The following SPART variants were observed in gnomAD, a reference collection of about 807,000 sequenced individuals.
SPART encodes spartin.
In SPART, 35 loss-of-function variants were observed where a neutral mutation model predicts 58.7. The ratio of observed to expected loss-of-function variants is 0.60; its 90% CI spans 0.46 to 0.79. SPART has a LOEUF of 0.79. SPART is among the 30% of genes least tolerant of loss of function. The pLI is 0.00. For missense variants in SPART, 730 were observed against 786.1 expected, an observed-to-expected ratio of 0.93 and a Z score of 0.85; for synonymous variants, 284 against 280.7, an observed-to-expected ratio of 1.01 and a Z score of -0.12.
At chr13:36,350,723 T>C (rs149901408), upstream of SPART, among the ~76,000 whole-genome samples, 88 of 152,286 alleles carry the variant, frequency 5.8e-4, no homozygotes, top group Admixed American at 3.3e-3. Context: ...ATCATACCAT[T>C]ATAGAAGAGA....
At chr13:36,332,256 C>T (rs1883529302) in intron 2 of SPART, among the ~76,000 whole-genome samples, 1 of 152,142 alleles carries the variant, frequency 6.6e-6, no homozygotes, top group African/African-American at 2.4e-5. Flanking sequence ...CTCTGGGAGG[C>T]CAAGGAGAGG....
At chr13:36,339,618 C>T (rs1263659985) in intron 1 of SPART, among the ~76,000 whole-genome samples, 1 of 93,552 alleles carries the variant, frequency 1.1e-5, no homozygotes, top group African/African-American at 4.3e-5. Flanking sequence ...TCACAGAGCA[C>T]GACTCCATCA....
At chr13:36,346,081 T>G (rs1437068484) in intron 1 of SPART, 144 bp downstream of exon 1, 1 of 152,232 alleles carries the variant, frequency 6.6e-6, no homozygotes, top group Non-Finnish European at 1.5e-5. Flanking sequence ...ATTCCATCTC[T>G]GAGACTCGGA....
chr13:36,318,671 G>A (rs1882004171), intron 5 of SPART, among the ~76,000 whole-genome samples: 1 of 152,182 alleles, frequency 6.6e-6, no homozygotes, highest in Non-Finnish European at 1.5e-5. Flanking sequence ...CTGAACCGCA[G>A]TGGCCAGGCG....
At chr13:36,367,740 G>A (rs940955812) in intron 1 of SPART, among the ~76,000 whole-genome samples, 2 of 152,174 alleles carry the variant, frequency 1.3e-5, no homozygotes, top group African/African-American at 4.8e-5. Flanking sequence ...GCAAGTGAGC[G>A]GGAAGCAGGG....
At chr13:36,339,140 C>T (rs567832036) in intron 1 of SPART, among the ~76,000 whole-genome samples, 2 of 151,050 alleles carry the variant, frequency 1.3e-5, no homozygotes, top group Admixed American at 6.6e-5. Flanking sequence ...AAGAAAATAT[C>T]GCATCCATAA....
At chr13:36,367,621 T>G (rs1886114548) in intron 1 of SPART, among the ~76,000 whole-genome samples, 1 of 149,066 alleles carries the variant, frequency 6.7e-6, no homozygotes, top group Admixed American at 6.7e-5. Context: ...AAAAAAAACT[T>G]AAAATAATTA....
chr13:36,355,272 C>T (rs956509636), intron 1 of SPART, among the ~76,000 whole-genome samples: 7 of 152,166 alleles, frequency 4.6e-5, no homozygotes, highest in South Asian at 2.1e-4. Flanking sequence ...GTGATCCTCC[C>T]GCCTCAGCCT....
intron 1 of SPART, among the ~76,000 whole-genome samples, chr13:36,366,024 C>T (rs1315677251): frequency 6.6e-6 from 1 of 152,196 alleles, no homozygotes; most frequent in Non-Finnish European, 1.5e-5. Context: ...TAAGCTAATG[C>T]TTTCTCTATG....
intron 1 of SPART, among the ~76,000 whole-genome samples, chr13:36,340,101 G>A (rs1884428797): frequency 6.6e-6 from 1 of 151,128 alleles, no homozygotes; most frequent in Admixed American, 6.6e-5. Flanking sequence ...AAACCAATGG[G>A]CAAAAAATAA....
rs1566125882 is a variant in SPART, at chr13:36,329,502, C to CTCCAGTTCCAGTTCT, written c.1023_1024insAGAACTGGAACTGGA (p.Arg341_Ala342insArgThrGlyThrGly). The CTCCAGTTCCAGTTCT allele has an allele frequency of 1.9e-6, 3 of 1,614,138 alleles. No homozygotes were observed. The highest frequency in any genetic ancestry group is 2.5e-6 in the Non-Finnish European group (3 of 1,180,020). ...ATTTGGAATTCATTTTCTTCTTCTG[C>CTCCAGTTCCAGTTCT]TCTGTTCCAGTTGGCCTAGAGAATA... is the stretch of plus-strand genomic sequence containing the variant. On this transcript the variant is annotated inframe_insertion, in exon 4 of 9. Transcript: ENST00000438666.
intron 5 of SPART, among the ~76,000 whole-genome samples, chr13:36,317,565 C>T (rs1034184294): frequency 6.0e-5 from 9 of 149,786 alleles, no homozygotes; most frequent in Admixed American, 1.3e-4. Context: ...CTTATTTCTG[C>T]ACCCCATCCC....
chr13:36,346,390 A>C lies in SPART; in HGVS notation c.-168T>G, dbSNP rs1566143085. On this transcript the variant is annotated 5_prime_UTR_variant, in exon 1 of 9. Transcript: ENST00000438666. ...CGCGCGCGCGCTTGCCGTGGCAACC[A>C]AGACGTTCCACGACGCGCGCTCTCG... The C allele has an allele frequency of 6.6e-6, 1 of 152,128 alleles. No individual in the cohort carries two copies. Among genetic ancestry groups the C allele is most frequent in the Non-Finnish European group, 1.5e-5 (1 of 68,086 alleles). 9.4% of individuals were successfully genotyped at this position (152,128 alleles called of 1,614,324 possible).
At position 36,335,565 on chromosome 13, in the gene SPART, C is replaced by T. The variant is rs144480960; in HGVS notation, c.266G>A (p.Arg89His). 1.2e-5 allele frequency: 19 copies of T among 1,614,112 alleles called. No homozygotes were observed. The highest frequency in any genetic ancestry group is 5.0e-5 in the Admixed American group (3 of 60,004). Residue 89 changes from arginine to histidine, a missense_variant, in exon 2 of 9, where the codon CGC becomes CAC. By Grantham distance (29) the Arg-to-His change is conservative (BLOSUM62 0). Coordinates refer to ENST00000438666, the MANE Select transcript of SPART (RefSeq NM_015087.5). ...CTTCTCTAGAATTTCCAGCCTGGTG[C>T]GTACATTCTGTAGAGTTTCTTTCAT... ...QKMKETLQNV[R>H]TRLEILEKGL...
chr13:36,360,430 T>C (rs1227120512), intron 1 of SPART, among the ~76,000 whole-genome samples: 2 of 151,810 alleles, frequency 1.3e-5, no homozygotes, highest in Non-Finnish European at 2.9e-5. Context: ...TAAGAGTGTC[T>C]TTCAGATTTG....
Position 36,304,274 on chromosome 13 carries a change from T to C in SPART, c.*91A>G, listed in dbSNP as rs1167521162. 3 of 1,436,018 alleles carry C rather than the reference T, an allele frequency of 2.1e-6. No individual in the cohort carries two copies. The highest frequency in any genetic ancestry group is 2.3e-4 in the Middle Eastern group (1 of 4,324). 89.0% of individuals were successfully genotyped at this position (1,436,018 alleles called of 1,614,324 possible). Reference sequence around the variant, plus strand: ...AGGAATGAATACATTTAAAAAATACTGGTTAATCTGTGAGGAATTCCACAT... The same window carrying C: ...AGGAATGAATACATTTAAAAAATACCGGTTAATCTGTGAGGAATTCCACAT... On this transcript the variant is annotated 3_prime_UTR_variant, in exon 9 of 9. Transcript: ENST00000438666.
At chr13:36,321,820 G>C (rs1882433855) in intron 5 of SPART, among the ~76,000 whole-genome samples, 1 of 152,176 alleles carries the variant, frequency 6.6e-6, no homozygotes, top group South Asian at 2.1e-4. Context: ...TGAAGTAACT[G>C]AAGAATCACA....
intron 8 of SPART, among the ~76,000 whole-genome samples, chr13:36,310,949 T>TGTGA (rs1177587310): frequency 6.6e-6 from 1 of 152,116 alleles, no homozygotes; most frequent in Non-Finnish European, 1.5e-5. Flanking sequence ...CTCAAGGGTC[T>TGTGA]GTGAGTAATA....
chr13:36,364,719 A>C (rs1174410820), intron 1 of SPART, among the ~76,000 whole-genome samples: 1 of 152,282 alleles, frequency 6.6e-6, no homozygotes, highest in African/African-American at 2.4e-5. Context: ...TTCATAATCT[A>C]TCTGTCTTTG....
Sources: allele counts gnomAD v4.1 joint callset (sites outside exome capture counted in the v4.1 genomes callset), GRCh38; gene constraint gnomAD v4.1.1; transcripts MANE v1.5; gene names NCBI Gene and HGNC (gene_info 2026-07-23, HGNC 2026-07-21).